Variants in RAB44 observed in about 807,000 individuals in gnomAD.
RAB44 encodes RAB44, member RAS oncogene family, also known as ras-related protein Rab-44.
In RAB44, 67 loss-of-function variants were observed where a neutral mutation model predicts 93.3. That is an observed-to-expected ratio of 0.72 (90% CI 0.59 to 0.88). RAB44 has a LOEUF of 0.88. RAB44 is among the 40% of genes least tolerant of loss of function. RAB44 has a pLI of 0.00. For missense variants in RAB44, 1,064 were observed against 1,261.7 expected (o/e 0.84, Z 2.37); for synonymous variants, 427 against 520.3 (o/e 0.82, Z 2.44).
At chr6:36,730,177 G>A (rs984703618) in intron 12 of RAB44, among the ~76,000 whole-genome samples, 5 of 152,222 alleles carry the variant, frequency 3.3e-5, no homozygotes, top group African/African-American at 4.8e-5. Context: ...TAGCAATTTC[G>A]TGTGGTTTAA....
chr6:36,713,841 G>A lies in RAB44; in HGVS notation c.221G>A (p.Ser74Asn). The A allele has an allele frequency of 6.5e-7, 1 of 1,535,864 alleles. No individual in the cohort carries two copies. The highest frequency in any genetic ancestry group is 8.7e-7 in the Non-Finnish European group (1 of 1,146,654). ...TREDLAVAKFSFLGSKEESEM... is the reference protein window; with the variant it reads ...TREDLAVAKFNFLGSKEESEM... ...CATTCCTTCCAGGTGGCCAAGTTCAGCTTCCTGGGCAGCAAGGAAGAGTCA... is the reference window on the plus strand; with the variant it reads ...CATTCCTTCCAGGTGGCCAAGTTCAACTTCCTGGGCAGCAAGGAAGAGTCA... Residue 74 changes from serine (S) to asparagine (N), a missense_variant, in exon 3 of 14, where the codon AGC becomes AAC. Coordinates refer to ENST00000612677, the MANE Select transcript of RAB44 (RefSeq NM_001257357.2).
In RAB44 at chr6:36,730,764, C is replaced by T; in HGVS notation, c.2975+15C>T. On this transcript the variant is annotated intron_variant, in intron 13 of 13. Transcript: ENST00000612677. ...AACCTGGCCAGGTAAGTGCTGCCCG[C>T]CCCCCGCCGCCCCCACCCCCCCCCT... 1.1e-6 allele frequency: 1 copy of T among 933,180 alleles called. No homozygotes were observed. The highest frequency in any genetic ancestry group is 1.3e-6 in the Non-Finnish European group (1 of 772,500). The allele number at this position is 933,180 out of a possible 1,614,324, so 57.8% of individuals were successfully genotyped here.
rs1362800764 is a variant in RAB44, at chr6:36,728,802, G to C, written c.2898+1G>C. 1 of 1,549,628 alleles carries C rather than the reference G, an allele frequency of 6.5e-7. No homozygotes were observed. The highest frequency in any genetic ancestry group is 1.2e-5 in the South Asian group (1 of 84,032). On this transcript the variant is annotated splice_donor_variant, in intron 12 of 13. Transcript: ENST00000612677. LOFTEE classifies it high-confidence loss of function. The stretch of plus-strand genomic sequence containing the variant: ...GGAAGCTGGGCAGCAACTGGCCCAG[G>C]TAAGCACTTGGGCATCAGCCCGTCT...
intron 2 of RAB44, among the ~76,000 whole-genome samples, chr6:36,710,764 C>T (rs1399460699): frequency 6.6e-6 from 1 of 152,108 alleles, no homozygotes; most frequent in Non-Finnish European, 1.5e-5. Context: ...GCTGGGATTA[C>T]AGGCATGCAC....
chr6:36,717,800 G>A lies in RAB44; in HGVS notation c.642-228G>A, dbSNP rs236489. ...GACCCTGGCCAGGGGAACTGGTGAC[G>A]GTTACAAGGGTCGGCGTGGTAGGAT... On this transcript the variant is annotated intron_variant, in intron 5 of 13. Transcript: ENST00000612677. The surrounding 1 kb of genome is among the most constrained non-coding windows in gnomAD (Gnocchi z 4.1). 0.65 allele frequency among the ~76,000 whole-genome samples: 98,065 copies of A among 151,460 alleles called. 33,815 individuals carry two copies. The highest frequency in any genetic ancestry group is 0.78 in the Non-Finnish European group (53,058 of 67,848).
intron 2 of RAB44, among the ~76,000 whole-genome samples, chr6:36,706,812 C>T (rs1278683490): frequency 6.6e-6 from 1 of 151,820 alleles, no homozygotes; most frequent in Non-Finnish European, 1.5e-5. Context: ...TTGCAACCTC[C>T]GCCTCCTGGG....
At chr6:36,700,401 C>A (rs1762482202) in intron 1 of RAB44, among the ~76,000 whole-genome samples, 1 of 152,154 alleles carries the variant, frequency 6.6e-6, no homozygotes, top group South Asian at 2.1e-4. Flanking sequence ...GTGGGACTGA[C>A]CCTCATAGTT....
intron 1 of RAB44, among the ~76,000 whole-genome samples, chr6:36,700,815 C>G (rs1762491621): frequency 6.6e-6 from 1 of 152,230 alleles, no homozygotes; most frequent in African/African-American, 2.4e-5. Flanking sequence ...AAGGCTGGAA[C>G]TGCCAGGCCA....
rs1201269163 is a variant in RAB44 at position 36,721,231 on chromosome 6, A to C, written c.1097A>C (p.Asp366Ala). 20 of 1,223,216 alleles carry C rather than the reference A, an allele frequency of 1.6e-5. No homozygotes were observed. Among genetic ancestry groups the C allele is most frequent in the Non-Finnish European group, 2.0e-5 (20 of 986,672 alleles). The allele number at this position is 1,223,216 out of a possible 1,614,324, so 75.8% of individuals were successfully genotyped here. ...EEAPLPGLFG[D>A]NDDWDQLLSN... is the part of the protein sequence containing the mutation. ...GCCCCCCTGCCTGGGCTATTTGGGGACAACGATGACTGGGACCAGCTACTG... is the reference window on the plus strand; with the variant it reads ...GCCCCCCTGCCTGGGCTATTTGGGGCCAACGATGACTGGGACCAGCTACTG... The change falls in exon 9 of 14, where the codon GAC (aspartate) becomes GCC (alanine). Residue 366 changes from aspartate to alanine, a missense_variant. Physicochemically the swap from Asp to Ala is moderately radical, Grantham distance 126. Coordinates refer to ENST00000612677, the MANE Select transcript of RAB44 (RefSeq NM_001257357.2).
At chr6:36,713,328 T>C (rs758296687) in intron 2 of RAB44, among the ~76,000 whole-genome samples, 1 of 152,190 alleles carries the variant, frequency 6.6e-6, no homozygotes, top group Non-Finnish European at 1.5e-5. Context: ...CCCAAGTAGC[T>C]GGGACTACAG....
rs1294319810 is a variant in RAB44 at position 36,713,931 on chromosome 6, C to A, written c.311C>A (p.Ser104Tyr). ...KGHLSLEEFSSGLKNIFGSSQ... is the reference protein window; with the variant it reads ...KGHLSLEEFSYGLKNIFGSSQ... ...CACCTGTCCCTTGAAGAATTCAGCT[C>A]TGGACTCAGTATGTCTGTCTTTGGA... The change falls in exon 3 of 14, where the codon TCT (serine) becomes TAT (tyrosine). Residue 104 changes from serine to tyrosine, a missense_variant. Physicochemically the swap from Ser to Tyr is moderately radical, Grantham distance 144 (BLOSUM62 -2). Transcript: ENST00000612677. The A allele has an allele frequency of 6.5e-7, 1 of 1,530,940 alleles. No homozygotes were observed. Among genetic ancestry groups the A allele is most frequent in the East Asian group, 2.4e-5 (1 of 40,884 alleles). 94.8% of individuals were successfully genotyped at this position (1,530,940 alleles called of 1,614,324 possible).
intron 2 of RAB44, among the ~76,000 whole-genome samples, chr6:36,707,694 G>A (rs574290616): frequency 3.9e-5 from 6 of 152,350 alleles, no homozygotes; most frequent in South Asian, 4.1e-4. Flanking sequence ...ACCTGGTACA[G>A]TCCTTTTTCT....
At chr6:36,719,871 G>T (rs1310682419) in intron 7 of RAB44, among the ~76,000 whole-genome samples, 1 of 152,228 alleles carries the variant, frequency 6.6e-6, no homozygotes, top group African/African-American at 2.4e-5. Flanking sequence ...CATAGGAAAG[G>T]AGGTGAGGGT....
chr6:36,708,205 C>T (rs1441662358), intron 2 of RAB44, among the ~76,000 whole-genome samples: 4 of 151,170 alleles, frequency 2.6e-5, no homozygotes, highest in Non-Finnish European at 5.9e-5. Flanking sequence ...GAGTGAGAAC[C>T]TGTCTCAAGA....
At chr6:36,729,806 TC>T (rs1218294758) in intron 12 of RAB44, among the ~76,000 whole-genome samples, 1 of 152,178 alleles carries the variant, frequency 6.6e-6, no homozygotes, top group Non-Finnish European at 1.5e-5. Flanking sequence ...TAGTAACTCA[TC>T]CCTTTGACAT....
Position 36,717,315 on chromosome 6 carries a change from G to A in RAB44, c.537G>A (p.Glu179=). 1 of 1,232,220 alleles carries A rather than the reference G, an allele frequency of 8.1e-7. No individual in the cohort carries two copies. The highest frequency in any genetic ancestry group is 1.0e-6 in the Non-Finnish European group (1 of 988,006). The allele number at this position is 1,232,220 out of a possible 1,614,324, so 76.3% of individuals were successfully genotyped here. A position where few individuals can be genotyped will look rare whatever the true frequency, so the allele number is the denominator to read the frequency against. The change falls in exon 5 of 14, where the codon GAG becomes GAA. Residue 179 remains glutamate, a synonymous_variant. Coordinates refer to ENST00000612677, the MANE Select transcript of RAB44 (RefSeq NM_001257357.2). This position sits in a 1 kb window ranked among gnomAD's most constrained non-coding sequence, Gnocchi z 4.1. ...AACTGTGGGGGCAGCTGCGGCAGGA[G>A]GAGCCCCAGCTGGCAGGCAACCTGG... ...IWQLWGQLRQ[E]EPQLAGNLAG...
Position 36,725,883 on chromosome 6 carries a change from C to G in RAB44, c.2621C>G (p.Thr874Ser). 6.4e-7 allele frequency: 1 copy of G among 1,550,598 alleles called. No individual in the cohort carries two copies. Among genetic ancestry groups the G allele is most frequent in the Middle Eastern group, 1.7e-4 (1 of 5,992 alleles). The change falls in exon 10 of 14, where the codon ACC (threonine) becomes AGC (serine). Residue 874 changes from threonine to serine, a missense_variant. By Grantham distance (58) the Thr-to-Ser change is moderately conservative. Transcript: ENST00000612677. ...CTAGGAGTAGATTTTCGGGTCAAAACCTTGCTGGTGGACAACAAGTGCTTT... is the reference window on the plus strand; with the variant it reads ...CTAGGAGTAGATTTTCGGGTCAAAAGCTTGCTGGTGGACAACAAGTGCTTT... ...ATVGVDFRVK[T>S]LLVDNKCFVL... is the part of the protein sequence containing the mutation.
At chr6:36,719,286 T>C (rs1763010411) in intron 7 of RAB44, among the ~76,000 whole-genome samples, 1 of 152,222 alleles carries the variant, frequency 6.6e-6, no homozygotes, top group African/African-American at 2.4e-5. Flanking sequence ...CGGCCTGGGC[T>C]GGCCCTGTTA....
At position 36,704,266 on chromosome 6, in the gene RAB44, G is replaced by A; in HGVS notation, c.31G>A (p.Val11Ile). 6.5e-7 allele frequency: 1 copy of A among 1,536,114 alleles called. No individual in the cohort carries two copies. The change falls in exon 2 of 14, where the codon GTC (valine) becomes ATC (isoleucine). Residue 11 changes from valine (V) to isoleucine (I), a missense_variant. By Grantham distance (29) the Val-to-Ile change is conservative. Transcript: ENST00000612677. METGQRTSRKVRKLGSNRRRQ... is the reference protein window; with the variant it reads METGQRTSRKIRKLGSNRRRQ... ...GACTGGACAGAGAACATCTCGAAAA[G>A]TCCGGAAGCTGGGCTCCAACCGGCG...
Sources: gnomAD v4.1 joint callset for allele counts (sites outside exome capture counted in the v4.1 genomes callset) on GRCh38, gnomAD v4.1.1 for gene constraint, Gnocchi (gnomAD v3.1) non-coding constraint, MANE v1.5 for transcripts, NCBI Gene and HGNC (gene_info 2026-07-23, HGNC 2026-07-21) for gene names.